Variants in MFSD2A observed in about 807,000 individuals in gnomAD.
MFSD2A encodes the protein MFSD2 lysolipid transporter A, lysophospholipid.
MFSD2A carries 27 observed loss-of-function variants against 64.7 expected under a neutral mutation model. That is an observed-to-expected ratio of 0.42 (90% CI 0.31 to 0.58). The LOEUF (loss-of-function observed/expected upper bound fraction) is 0.58, where lower values mean the gene tolerates loss of function less well. Ranked by LOEUF, MFSD2A falls within the 20% of genes least tolerant of loss-of-function variation. The probability of loss-of-function intolerance (pLI) is 0.18; values close to 1 mark genes in which losing one functional copy is unlikely to be tolerated. For missense variants in MFSD2A, 474 were observed against 679.5 expected (o/e 0.70, Z 3.36); for synonymous variants, 258 against 273.4 (o/e 0.94, Z 0.55).
In MFSD2A at chr1:39,965,286, G is replaced by A; in HGVS notation, c.429G>A (p.Gln143=). ...IWFVPDFPHG[Q]TYWYLLFYCL... ...TCGTGCCCGACTTCCCACACGGCCA[G>A]ACCTATTGGTACCTGCTTTTCTATT... Residue 143 remains glutamine (Q), a synonymous_variant, in exon 4 of 14, where the codon CAG becomes CAA. Transcript: ENST00000372811. This position sits in a 1 kb window ranked among gnomAD's most constrained non-coding sequence, Gnocchi z 5.5. 6.2e-7 allele frequency: 1 copy of A among 1,614,126 alleles called. No individual in the cohort carries two copies. Among genetic ancestry groups the A allele is most frequent in the Middle Eastern group, 1.6e-4 (1 of 6,062 alleles).
At position 39,965,692 on chromosome 1, in the gene MFSD2A, A is replaced by G. The variant is rs1223445138; in HGVS notation, c.556+143A>G. Reference sequence around the variant, plus strand: ...ATAACTCAATCCCCTTATTGCTCAGATGAGACCTGGAGAGGTGCATATGCG... The same window carrying G: ...ATAACTCAATCCCCTTATTGCTCAGGTGAGACCTGGAGAGGTGCATATGCG... On this transcript the variant is annotated intron_variant, in intron 5 of 13. Coordinates refer to ENST00000372811, the MANE Select transcript of MFSD2A (RefSeq NM_032793.5). This position sits in a 1 kb window ranked among gnomAD's most constrained non-coding sequence, Gnocchi z 5.5. The G allele has an allele frequency of 4.1e-6, 5 of 1,217,724 alleles. No homozygotes were observed. In the African/African-American group the frequency reaches 4.5e-5, roughly 11 times the overall value. The allele number at this position is 1,217,724 out of a possible 1,614,324, so 75.4% of individuals were successfully genotyped here.
Position 39,960,026 on chromosome 1 carries a change from C to G in MFSD2A, c.353+1201C>G, listed in dbSNP as rs55917020. ...GCAGAGCAGGGGATGGGGTAATACC[C>G]GGAATGGGGTAGCAAACCCATAACC... On this transcript the variant is annotated intron_variant, in intron 3 of 13. Coordinates refer to ENST00000372811, the MANE Select transcript of MFSD2A (RefSeq NM_032793.5). This position sits in a 1 kb window ranked among gnomAD's most constrained non-coding sequence, Gnocchi z 4.8. 6.6e-6 allele frequency among the ~76,000 whole-genome samples: 1 copy of G among 152,226 alleles called. No homozygotes were observed. Among genetic ancestry groups the G allele is most frequent in the Non-Finnish European group, 1.5e-5 (1 of 68,042 alleles).
rs746651599 is a variant in MFSD2A, at chr1:39,968,316, T to C, written c.1209-18T>C. ...CGTTAGGTGGGTCAGTCCTCATGGC[T>C]GTCACTACTCTGCGCAGGTCCATGC... On this transcript the variant is annotated intron_variant, in intron 11 of 13. Transcript: ENST00000372811. The surrounding 1 kb of genome is among the most constrained non-coding windows in gnomAD (Gnocchi z 4.4). The C allele has an allele frequency of 1.2e-6, 2 of 1,614,122 alleles. No individual in the cohort carries two copies. Among genetic ancestry groups the C allele is most frequent in the South Asian group, 2.2e-5 (2 of 91,086 alleles).
At position 39,968,032 on chromosome 1, in the gene MFSD2A, G is replaced by C. The variant is rs1645201790; in HGVS notation, c.1208+116G>C. The C allele has an allele frequency of 1.5e-6, 1 of 686,490 alleles. No homozygotes were observed. Among genetic ancestry groups the C allele is most frequent in the Non-Finnish European group, 2.4e-6 (1 of 409,450 alleles). The allele number at this position is 686,490 out of a possible 1,614,324, so 42.5% of individuals were successfully genotyped here. A position where few individuals can be genotyped will look rare whatever the true frequency, so the allele number is the denominator to read the frequency against. On this transcript the variant is annotated intron_variant, in intron 11 of 13. Coordinates refer to ENST00000372811, the MANE Select transcript of MFSD2A (RefSeq NM_032793.5). This position sits in a 1 kb window ranked among gnomAD's most constrained non-coding sequence, Gnocchi z 4.4. ...CCCACAGGCCATTCTGTGGGTCCAG[G>C]TTAGGAGTGGGGGAGGTCTGTCCTG...
At chr1:39,969,443 G>T in intron 13 of MFSD2A, 62 bp from the exon 14 acceptor site, 1 of 1,449,696 alleles carries the variant, frequency 6.9e-7, no homozygotes, top group Non-Finnish European at 9.5e-7. Flanking sequence ...AAGGAGGCAG[G>T]TGGGGCTGAG....
chr1:39,966,602 A>G lies in MFSD2A; in HGVS notation c.716A>G (p.Gln239Arg), dbSNP rs966154362. ...TATGTCGCCTTCACCTCCTTATAGC[A>G]AAAGGCATACCTGCTGGCAGCGGGG... Reference protein sequence around the residue: ...THGTTSHRETQKAYLLAAGVI... With the variant: ...THGTTSHRETRKAYLLAAGVI... Residue 239 changes from glutamine to arginine, a missense_variant and splice_region_variant, in exon 7 of 14, where the codon CAA becomes CGA. Physicochemically the swap from Gln to Arg is conservative, Grantham distance 43 (BLOSUM62 1). Coordinates refer to ENST00000372811, the MANE Select transcript of MFSD2A (RefSeq NM_032793.5). 2 of 1,611,024 alleles carry G rather than the reference A, an allele frequency of 1.2e-6. No individual in the cohort carries two copies. The highest frequency in any genetic ancestry group is 2.7e-5 in the African/African-American group (2 of 74,842).
chr1:39,956,375 A>C (rs1046064661), intron 1 of MFSD2A, among the ~76,000 whole-genome samples: 24 of 152,186 alleles, frequency 1.6e-4, no homozygotes, highest in African/African-American at 3.1e-4. Flanking sequence ...TAGAGCTCTC[A>C]CCAGGAGTAG....
In MFSD2A at chr1:39,967,727, G is replaced by A. The variant is rs781068171; in HGVS notation, c.1095+16G>A. On this transcript the variant is annotated intron_variant, in intron 10 of 13. Coordinates refer to ENST00000372811, the MANE Select transcript of MFSD2A (RefSeq NM_032793.5). ...TGGGATCTCAGTGAGTGGGGTTGAA[G>A]AGCAGAGCCTGGGTTGAGTTGGGAT... 2 of 1,613,800 alleles carry A rather than the reference G, an allele frequency of 1.2e-6. No homozygotes were observed. The highest frequency in any genetic ancestry group is 1.7e-6 in the Non-Finnish European group (2 of 1,179,700).
At position 39,967,785 on chromosome 1, in the gene MFSD2A, C is replaced by T; in HGVS notation, c.1096-19C>T. The T allele has an allele frequency of 6.2e-7, 1 of 1,609,914 alleles. No individual in the cohort carries two copies. Among genetic ancestry groups the T allele is most frequent in the Non-Finnish European group, 8.5e-7 (1 of 1,176,294 alleles). On this transcript the variant is annotated intron_variant, in intron 10 of 13. Coordinates refer to ENST00000372811, the MANE Select transcript of MFSD2A (RefSeq NM_032793.5). ...GGGAACCTCCCAGCTGATTCATCTT[C>T]CTGCACCCCCTTCCCTAGTCAGCAG...
Position 39,955,438 on chromosome 1 carries a change from G to A in MFSD2A, c.93+53G>A, listed in dbSNP as rs1381031390. 1 of 1,479,832 alleles carries A rather than the reference G, an allele frequency of 6.8e-7. No homozygotes were observed. The highest frequency in any genetic ancestry group is 9.1e-7 in the Non-Finnish European group (1 of 1,103,508). 91.7% of individuals were successfully genotyped at this position (1,479,832 alleles called of 1,614,324 possible). On this transcript the variant is annotated intron_variant, in intron 1 of 13. Transcript: ENST00000372811. The surrounding 1 kb of genome is among the most constrained non-coding windows in gnomAD (Gnocchi z 5.9). ...GCGAGGGGAGGGAGGAGGCGGAAATGGGGGATCAGGGGCGTCCCGGGGTCG... is the reference window on the plus strand; with the variant it reads ...GCGAGGGGAGGGAGGAGGCGGAAATAGGGGATCAGGGGCGTCCCGGGGTCG...
In MFSD2A at chr1:39,967,673, C is replaced by A. The variant is rs200248629; in HGVS notation, c.1057C>A (p.Arg353=). Residue 353 remains arginine (R), a synonymous_variant, in exon 10 of 14, where the codon CGG becomes AGG. Transcript: ENST00000372811. Reference sequence around the variant, plus strand: ...TCCCATCTGGCAGTGGTTCTTGACCCGGTTTGGCAAGAAGACAGCTGTATA... The same window carrying A: ...TCCCATCTGGCAGTGGTTCTTGACCAGGTTTGGCAAGAAGACAGCTGTATA... ...TIPIWQWFLT[R]FGKKTAVYVG... 2.5e-6 allele frequency: 4 copies of A among 1,613,998 alleles called. No individual in the cohort carries two copies. The highest frequency in any genetic ancestry group is 3.4e-6 in the Non-Finnish European group (4 of 1,180,022).
Position 39,965,513 on chromosome 1 carries a change from A to G in MFSD2A, c.520A>G (p.Thr174Ala). The stretch of plus-strand genomic sequence containing the variant: ...CTCGGCTCTCACCATGTTCATCAGC[A>G]CCGAGCAGACTGAGCGGGATTCTGC... The part of the protein sequence containing the change: ...PYSALTMFIS[T>A]EQTERDSATA... Residue 174 changes from threonine (T) to alanine (A), a missense_variant, in exon 5 of 14, where the codon ACC becomes GCC. Coordinates refer to ENST00000372811, the MANE Select transcript of MFSD2A (RefSeq NM_032793.5). The surrounding 1 kb of genome is among the most constrained non-coding windows in gnomAD (Gnocchi z 5.5). 6.2e-7 allele frequency: 1 copy of G among 1,613,862 alleles called. No homozygotes were observed. Among genetic ancestry groups the G allele is most frequent in the Non-Finnish European group, 8.5e-7 (1 of 1,179,974 alleles).
At position 39,960,195 on chromosome 1, in the gene MFSD2A, G is replaced by T. The variant is rs578189301; in HGVS notation, c.353+1370G>T. Among the ~76,000 whole-genome samples the T allele has an allele frequency of 6.6e-6, 1 of 152,356 alleles. No homozygotes were observed. The highest frequency in any genetic ancestry group is 1.5e-5 in the Non-Finnish European group (1 of 68,024). On this transcript the variant is annotated intron_variant, in intron 3 of 13. Transcript: ENST00000372811. The surrounding 1 kb of genome is among the most constrained non-coding windows in gnomAD (Gnocchi z 4.8). ...CGCACAGGATAGGCTGTCAGGCGGGGGCTCTGGTTCCCTCCAGGACATCCT... is the reference window on the plus strand; with the variant it reads ...CGCACAGGATAGGCTGTCAGGCGGGTGCTCTGGTTCCCTCCAGGACATCCT...
Position 39,968,225 on chromosome 1 carries a change from C to G in MFSD2A, c.1209-109C>G. ...TTCATGTGAAGGTCCCATATCCTCACTGAGCTGTGTACCCATGGTACTGCA... is the reference window on the plus strand; with the variant it reads ...TTCATGTGAAGGTCCCATATCCTCAGTGAGCTGTGTACCCATGGTACTGCA... On this transcript the variant is annotated intron_variant, in intron 11 of 13. Coordinates refer to ENST00000372811, the MANE Select transcript of MFSD2A (RefSeq NM_032793.5). The surrounding 1 kb of genome is among the most constrained non-coding windows in gnomAD (Gnocchi z 4.4). 1 of 1,335,756 alleles carries G rather than the reference C, an allele frequency of 7.5e-7. No individual in the cohort carries two copies. The highest frequency in any genetic ancestry group is 1.1e-6 in the Non-Finnish European group (1 of 948,620). 82.7% of individuals were successfully genotyped at this position (1,335,756 alleles called of 1,614,324 possible).
In MFSD2A at chr1:39,958,367, G is replaced by C. The variant is rs1318088022; in HGVS notation, c.229-334G>C. 6.6e-6 allele frequency among the ~76,000 whole-genome samples: 1 copy of C among 152,160 alleles called. No individual in the cohort carries two copies. The highest frequency in any genetic ancestry group is 6.5e-5 in the Admixed American group (1 of 15,268). On this transcript the variant is annotated intron_variant, in intron 2 of 13. Transcript: ENST00000372811. The surrounding 1 kb of genome is among the most constrained non-coding windows in gnomAD (Gnocchi z 4.7). ...CCCGTGAATGCTCATTCTGATATCA[G>C]GTGGTCAGGAGCTCAGGGCTGAGAG...
At chr1:39,956,947 G>C (rs1031132448) in intron 1 of MFSD2A, 140 bp from the exon 2 acceptor site, 1 of 454,750 alleles carries the variant, frequency 2.2e-6, no homozygotes, top group Admixed American at 3.1e-5. Context: ...AAAAAAAAAG[G>C]TGGGATCTCC....
chr1:39,955,241 G>A lies in MFSD2A; in HGVS notation c.-52G>A. ...AGCTTGGGAGGAGCAGCGGCCTGCG[G>A]GGCAGAGGAGCATCCCGTCTACCAG... On this transcript the variant is annotated 5_prime_UTR_variant, in exon 1 of 14. Transcript: ENST00000372811. The surrounding 1 kb of genome is among the most constrained non-coding windows in gnomAD (Gnocchi z 5.9). The A allele has an allele frequency of 7.5e-7, 1 of 1,335,402 alleles. No individual in the cohort carries two copies. Among genetic ancestry groups the A allele is most frequent in the Non-Finnish European group, 9.7e-7 (1 of 1,031,578 alleles). The allele number at this position is 1,335,402 out of a possible 1,614,324, so 82.7% of individuals were successfully genotyped here.
At position 39,968,388 on chromosome 1, in the gene MFSD2A, T is replaced by A; in HGVS notation, c.1263T>A (p.His421Gln). 6.2e-7 allele frequency: 1 copy of A among 1,614,156 alleles called. No individual in the cohort carries two copies. Among genetic ancestry groups the A allele is most frequent in the Non-Finnish European group, 8.5e-7 (1 of 1,180,012 alleles). The change falls in exon 12 of 14, where the codon CAT (histidine) becomes CAA (glutamine). Residue 421 changes from histidine (H) to glutamine (Q), a missense_variant. By Grantham distance (24) the His-to-Gln change is conservative (BLOSUM62 0). Coordinates refer to ENST00000372811, the MANE Select transcript of MFSD2A (RefSeq NM_032793.5). The surrounding 1 kb of genome is among the most constrained non-coding windows in gnomAD (Gnocchi z 4.4). ...TCCATCTGAAGCAGCCCCACTTCCATGGAACCGAGCCCATCTTCTTCTCCT... is the reference window on the plus strand; with the variant it reads ...TCCATCTGAAGCAGCCCCACTTCCAAGGAACCGAGCCCATCTTCTTCTCCT... ...DDFHLKQPHF[H>Q]GTEPIFFSFY...
At chr1:39,966,453 G>A (rs895604310) in intron 6 of MFSD2A, 148 bp from the exon 7 acceptor site, 1 of 700,262 alleles carries the variant, frequency 1.4e-6, no homozygotes, top group African/African-American at 1.8e-5. Flanking sequence ...AGCAGGCCCA[G>A]GATGATCCTC....
Sources: gnomAD v4.1 joint callset for allele counts (sites outside exome capture counted in the v4.1 genomes callset) on GRCh38, gnomAD v4.1.1 for gene constraint, Gnocchi (gnomAD v3.1) non-coding constraint, MANE v1.5 for transcripts, NCBI Gene and HGNC (gene_info 2026-07-23, HGNC 2026-07-21) for gene names.